Variants in NCF2 observed in about 807,000 individuals in gnomAD.
NCF2 encodes neutrophil cytosol factor 2.
In NCF2, 45 loss-of-function variants were observed where a neutral mutation model predicts 70.9. The observed-to-expected ratio is 0.63, with a 90% CI of 0.50 to 0.81. The LOEUF is 0.81. Among genes scored for constraint, NCF2 ranks in the 40% least tolerant of loss-of-function variants. The probability of loss-of-function intolerance (pLI) is 0.00; values close to 1 mark genes in which losing one functional copy is unlikely to be tolerated. For missense variants in NCF2, 522 were observed against 631.6 expected (o/e 0.83, Z 1.86); for synonymous variants, 203 against 233.6 (o/e 0.87, Z 1.19).
intron 13 of NCF2, 99 bp downstream of exon 13, chr1:183,563,096 A>C: frequency 9.4e-7 from 1 of 1,069,120 alleles, no homozygotes; most frequent in South Asian, 1.3e-5. Context: ...CCAACACCAC[A>C]TATAGTGCCT....
At chr1:183,580,981 A>AG (rs1400923846) in intron 2 of NCF2, among the ~76,000 whole-genome samples, 3 of 150,746 alleles carry the variant, frequency 2.0e-5, no homozygotes, top group Non-Finnish European at 4.4e-5. Context: ...TCCAACTCAA[A>AG]AAAAAAAAAA....
intron 13 of NCF2, among the ~76,000 whole-genome samples, chr1:183,562,839 A>AAT (rs1481811834): frequency 1.3e-5 from 2 of 150,796 alleles, no homozygotes; most frequent in African/African-American, 4.9e-5. Flanking sequence ...AAAAAAAAAA[A>AAT]GGTGAAGAAT....
chr1:183,598,955 G>C, the NCF2 span, among the ~76,000 whole-genome samples: 826 of 152,236 alleles, frequency 5.4e-3, 8 homozygotes, highest in African/African-American at 0.018. Context: ...TCTAGAAGTG[G>C]TATCAAAGAC....
Position 183,574,494 on chromosome 1 carries a change from C to T in NCF2, c.494G>A (p.Cys165Tyr). Reference sequence around the variant, plus strand: ...CATCACCAATACGCTTACCCAGACACACTCCATCGCCTTGTCGATTTTGGA... The same window carrying T: ...CATCACCAATACGCTTACCCAGACATACTCCATCGCCTTGTCGATTTTGGA... ...RHSKIDKAME[C>Y]VWKQKLYEPV... The change falls in exon 4 of 15, where the codon TGT becomes TAT. Residue 165 changes from cysteine (C) to tyrosine (Y), a missense_variant. Transcript: ENST00000367535. The T allele has an allele frequency of 6.2e-7, 1 of 1,614,256 alleles. No individual in the cohort carries two copies.
the NCF2 span, among the ~76,000 whole-genome samples, chr1:183,601,603 A>C: frequency 6.6e-6 from 1 of 152,202 alleles, no homozygotes; most frequent in African/African-American, 2.4e-5. Context: ...CATGCCTGTA[A>C]TCCCAGCACT....
intron 3 of NCF2, among the ~76,000 whole-genome samples, chr1:183,576,719 G>A (rs1345703092): frequency 1.3e-5 from 2 of 152,290 alleles, no homozygotes; most frequent in East Asian, 3.9e-4. Context: ...GTTGGGATGG[G>A]GCCATATGTC....
chr1:183,556,076 A>T lies in NCF2; in HGVS notation c.*42T>A. ...GGGTGCTAAATCTTACAAACAAGTAATAGGGCTTCATTTTCTTCAGCTTTG... is the reference window on the plus strand; with the variant it reads ...GGGTGCTAAATCTTACAAACAAGTATTAGGGCTTCATTTTCTTCAGCTTTG... On this transcript the variant is annotated 3_prime_UTR_variant, in exon 15 of 15. Transcript: ENST00000367535. The T allele has an allele frequency of 6.6e-7, 1 of 1,518,806 alleles. No homozygotes were observed. The highest frequency in any genetic ancestry group is 9.1e-7 in the Non-Finnish European group (1 of 1,093,180). The allele number at this position is 1,518,806 out of a possible 1,614,324, so 94.1% of individuals were successfully genotyped here.
Position 183,590,268 on chromosome 1 carries a change from T to C in NCF2, c.62A>G (p.Asp21Gly). ...GAAGGCATCCAGGGCTCCCTTCCAG[T>C]CCTTCTTGTCCGCTGCCAGCACCCC... ...NEGVLAADKK[D>G]WKGALDAFSA... The change falls in exon 1 of 15, where the codon GAC becomes GGC. Residue 21 changes from aspartate to glycine, a missense_variant. Coordinates refer to ENST00000367535, the MANE Select transcript of NCF2 (RefSeq NM_000433.4). 6.2e-7 allele frequency: 1 copy of C among 1,614,152 alleles called. No homozygotes were observed. Among genetic ancestry groups the C allele is most frequent in the South Asian group, 1.1e-5 (1 of 91,080 alleles).
rs1320960478 is a variant in NCF2, at chr1:183,580,688, CTACAGAGGCCCGG to C, written c.258-2994_258-2982del. 3.9e-5 allele frequency among the ~76,000 whole-genome samples: 6 copies of C among 152,310 alleles called. No homozygotes were observed. In the South Asian group the frequency reaches 8.3e-4, roughly 21 times the overall value. On this transcript the variant is annotated intron_variant, in intron 2 of 14. Coordinates refer to ENST00000367535, the MANE Select transcript of NCF2 (RefSeq NM_000433.4). ...ATAATTCCCTAGCCCATCAAGATGT[CTACAGAGGCCCGG>C]TGCAGTGGCTCGTGCCGGTAATCCC...
the NCF2 span, among the ~76,000 whole-genome samples, chr1:183,596,010 AAGG>A: frequency 1.3e-5 from 2 of 151,980 alleles, no homozygotes; most frequent in Non-Finnish European, 2.9e-5. Flanking sequence ...ATGTGCACTC[AAGG>A]AGGTTTCTCT....
At position 183,566,953 on chromosome 1, in the gene NCF2, A is replaced by T. The variant is rs1202266789; in HGVS notation, c.891T>A (p.Val297=). Residue 297 remains valine, a synonymous_variant, in exon 9 of 15, where the codon GTT becomes GTA. Transcript: ENST00000367535. ...GLVPCNYLEP[V]ELRIHPQQQP... ...GCTGCTGAGGGTGGATCCGCAGCTCAACTGGTTCAAGGTAGTTGCAGGGAA... is the reference window on the plus strand; with the variant it reads ...GCTGCTGAGGGTGGATCCGCAGCTCTACTGGTTCAAGGTAGTTGCAGGGAA... 2 of 1,614,200 alleles carry T rather than the reference A, an allele frequency of 1.2e-6. No homozygotes were observed. Among genetic ancestry groups the T allele is most frequent in the Non-Finnish European group, 8.5e-7 (1 of 1,180,034 alleles).
At chr1:183,559,666 C>T (rs1671951096) in intron 14 of NCF2, among the ~76,000 whole-genome samples, 1 of 152,136 alleles carries the variant, frequency 6.6e-6, no homozygotes, top group Non-Finnish European at 1.5e-5. Flanking sequence ...TGAGACCAGC[C>T]TGGTCAACAT....
upstream of NCF2, among the ~76,000 whole-genome samples, chr1:183,595,701 C>T (rs754521103): frequency 2.6e-5 from 4 of 152,196 alleles, no homozygotes; most frequent in Non-Finnish European, 5.9e-5. Context: ...TTCATTAAGT[C>T]TCTTACCTCT....
At chr1:183,559,576 C>T (rs997458817) in intron 14 of NCF2, among the ~76,000 whole-genome samples, 10 of 151,910 alleles carry the variant, frequency 6.6e-5, no homozygotes, top group African/African-American at 1.5e-4. Context: ...TGTTTATCGC[C>T]GGCCAGGTGC....
At chr1:183,595,265 T>C (rs1167532709), upstream of NCF2, among the ~76,000 whole-genome samples, 1 of 152,182 alleles carries the variant, frequency 6.6e-6, no homozygotes, top group African/African-American at 2.4e-5. Flanking sequence ...AAACTTGGCC[T>C]GGATCTCACA....
intron 1 of NCF2, among the ~76,000 whole-genome samples, chr1:183,588,474 CAA>C (rs58562761): frequency 7.9e-5 from 8 of 101,882 alleles, no homozygotes; most frequent in Non-Finnish European, 5.8e-5. Flanking sequence ...GACTCCATCT[CAA>C]AAAAAAAAAA....
chr1:183,566,836 C>T, intron 9 of NCF2, 84 bp downstream of exon 9: 1 of 1,555,134 alleles, frequency 6.4e-7, no homozygotes, highest in Non-Finnish European at 8.9e-7. Flanking sequence ...CCTGACAACA[C>T]CTCTTTTACA....
intron 5 of NCF2, 48 bp from the exon 6 acceptor site, chr1:183,570,887 A>C (rs1461825388): frequency 6.3e-7 from 1 of 1,592,888 alleles, no homozygotes. Flanking sequence ...CACTGTTTCC[A>C]TTCTTCTGGG....
rs371497995 is a variant in NCF2 at position 183,561,695 on chromosome 1, GT to G, written c.1291-1423del. On this transcript the variant is annotated intron_variant, in intron 13 of 14. Coordinates refer to ENST00000367535, the MANE Select transcript of NCF2 (RefSeq NM_000433.4). ...GGGTTTCACCATGTTGGCCAGGCTG[GT>G]CTTAAACTCCTGACCTCAGGTGATC... is the stretch of plus-strand genomic sequence containing the variant. 8.9e-4 allele frequency among the ~76,000 whole-genome samples: 131 copies of G among 146,554 alleles called. 2 individuals carry two copies. The East Asian group carries it at 0.019, about 21-fold the overall frequency.
Sources: allele counts gnomAD v4.1 joint callset (sites outside exome capture counted in the v4.1 genomes callset), GRCh38; gene constraint gnomAD v4.1.1; transcripts MANE v1.5; gene names NCBI Gene and HGNC (gene_info 2026-07-23, HGNC 2026-07-21).